Variants in ANKRD49 observed in about 807,000 individuals in gnomAD.
ANKRD49 encodes the protein ankyrin repeat domain-containing protein 49.
A neutral mutation model predicts 19.6 loss-of-function variants in ANKRD49; 18 were observed. The observed-to-expected ratio is 0.92, with a 90% CI of 0.63 to 1.36. The LOEUF (loss-of-function observed/expected upper bound fraction) is 1.36. Ranked by LOEUF, ANKRD49 falls within the 40% of genes most tolerant of loss-of-function variation. The pLI is 0.00. For synonymous variants in ANKRD49, 88 were observed against 101.8 expected (o/e 0.86, Z 0.82); for missense variants, 218 against 281.6 (o/e 0.77, Z 1.62).
chr11:94,497,122 T>C, intron 2 of ANKRD49, 171 bp downstream of exon 2: 1 of 829,406 alleles, frequency 1.2e-6, no homozygotes, highest in South Asian at 1.6e-5. Context: ...ATGCTAGGTA[T>C]TATTTGGGGG....
intron 1 of ANKRD49, among the ~76,000 whole-genome samples, chr11:94,496,388 T>G (rs994319673): frequency 2.0e-5 from 3 of 152,168 alleles, no homozygotes; most frequent in Non-Finnish European, 2.9e-5. Context: ...TATAATTGAC[T>G]TAGAAGAAAA....
rs1303930519 is a variant in ANKRD49 at position 94,499,291 on chromosome 11, T to TA, written c.*760dup. On this transcript the variant is annotated 3_prime_UTR_variant, in exon 3 of 3. Transcript: ENST00000544612. ...TACCTTTGTCCAACAGATCATAATA[T>TA]ATCTGCTATCCAACTGGTTTTACCT... 5.2e-5 allele frequency: 8 copies of TA among 152,654 alleles called. No individual in the cohort carries two copies. The highest frequency in any genetic ancestry group is 1.2e-4 in the Non-Finnish European group (8 of 68,050). 9.5% of individuals were successfully genotyped at this position (152,654 alleles called of 1,614,324 possible). A position where few individuals can be genotyped will look rare whatever the true frequency, so the allele number is the denominator to read the frequency against.
At chr11:94,495,415 T>G (rs771763607) in intron 1 of ANKRD49, among the ~76,000 whole-genome samples, 5 of 152,060 alleles carry the variant, frequency 3.3e-5, no homozygotes, top group Non-Finnish European at 5.9e-5. Flanking sequence ...TTTAAGGGGC[T>G]AAAACAAGAA....
rs1184605854 is a variant in ANKRD49 at position 94,499,148 on chromosome 11, T to G, written c.*616T>G. 6.5e-6 allele frequency: 1 copy of G among 154,098 alleles called. No homozygotes were observed. The highest frequency in any genetic ancestry group is 6.5e-5 in the Admixed American group (1 of 15,410). The allele number at this position is 154,098 out of a possible 1,614,324, so 9.5% of individuals were successfully genotyped here. On this transcript the variant is annotated 3_prime_UTR_variant, in exon 3 of 3. Transcript: ENST00000544612. ...TGTTTAATTCATGAATATTGTATAC[T>G]GCATCCCCTACCACAATTTACACAA...
Position 94,498,739 on chromosome 11 carries a change from T to G in ANKRD49, c.*207T>G, listed in dbSNP as rs1434243865. 3 of 572,606 alleles carry G rather than the reference T, an allele frequency of 5.2e-6. No individual in the cohort carries two copies. Among genetic ancestry groups the G allele is most frequent in the Non-Finnish European group, 3.0e-6 (1 of 329,356 alleles). The allele number at this position is 572,606 out of a possible 1,614,324, so 35.5% of individuals were successfully genotyped here. A position where few individuals can be genotyped will look rare whatever the true frequency, so the allele number is the denominator to read the frequency against. On this transcript the variant is annotated 3_prime_UTR_variant, in exon 3 of 3. Coordinates refer to ENST00000544612, the MANE Select transcript of ANKRD49 (RefSeq NM_017704.3). ...TATCTTTAATTATTTCTGTGGAGTT[T>G]GTGATTTTTTTATCAGAAATAATTT... is the stretch of plus-strand genomic sequence containing the variant.
chr11:94,496,999 G>T, intron 2 of ANKRD49, 48 bp downstream of exon 2: 1 of 1,607,774 alleles, frequency 6.2e-7, no homozygotes, highest in Non-Finnish European at 8.5e-7. Context: ...GAAAAGCACT[G>T]GGTTCAAGCC....
chr11:94,495,050 T>C (rs959633810), intron 1 of ANKRD49, among the ~76,000 whole-genome samples: 2 of 152,166 alleles, frequency 1.3e-5, no homozygotes, highest in African/African-American at 4.8e-5. Context: ...AAAGCCGGAT[T>C]GGCCTTAGGA....
At chr11:94,494,958 A>G (rs1257770058) in intron 1 of ANKRD49, among the ~76,000 whole-genome samples, 5 of 152,192 alleles carry the variant, frequency 3.3e-5, no homozygotes, top group Non-Finnish European at 7.3e-5. Flanking sequence ...AAAAAGTGGA[A>G]GCTCCAGGAG....
At chr11:94,497,192 A>T in intron 2 of ANKRD49, 1 of 577,810 alleles carries the variant, frequency 1.7e-6, no homozygotes, top group Non-Finnish European at 3.0e-6. Context: ...AATCATTTAT[A>T]TAAAGTCATT....
chr11:94,499,048 A>G lies in ANKRD49; in HGVS notation c.*516A>G, dbSNP rs981317538. 4 of 154,570 alleles carry G rather than the reference A, an allele frequency of 2.6e-5. No individual in the cohort carries two copies. The highest frequency in any genetic ancestry group is 3.2e-3 in the Middle Eastern group (1 of 316). 9.6% of individuals were successfully genotyped at this position (154,570 alleles called of 1,614,324 possible). A position where few individuals can be genotyped will look rare whatever the true frequency, so the allele number is the denominator to read the frequency against. ...TAGTGACTTGAATCTTCATAAGTTA[A>G]AGTAAAAAACAGCAAAAAACCTAGA... On this transcript the variant is annotated 3_prime_UTR_variant, in exon 3 of 3. Transcript: ENST00000544612.
chr11:94,496,704 A>G lies in ANKRD49; in HGVS notation c.11A>G (p.Glu4Gly). 2 of 1,577,290 alleles carry G rather than the reference A, an allele frequency of 1.3e-6. No individual in the cohort carries two copies. Among genetic ancestry groups the G allele is most frequent in the East Asian group, 2.2e-5 (1 of 44,540 alleles). ...GAATAGTAGTAAAAAATGGAAAAAG[A>G]AAAAGGAAATGATGATGGAATACCA... MEK[E>G]KGNDDGIPDQ... is the part of the protein sequence containing the mutation. The change falls in exon 2 of 3, where the codon GAA (glutamate) becomes GGA (glycine). Residue 4 changes from glutamate to glycine, a missense_variant. Coordinates refer to ENST00000544612, the MANE Select transcript of ANKRD49 (RefSeq NM_017704.3).
chr11:94,495,182 C>T (rs1222141282), intron 1 of ANKRD49, among the ~76,000 whole-genome samples: 1 of 152,026 alleles, frequency 6.6e-6, no homozygotes, highest in African/African-American at 2.4e-5. Context: ...AGTTTAATAC[C>T]ACATTAAGAT....
At chr11:94,494,332 A>G (rs1408894593) in intron 1 of ANKRD49, among the ~76,000 whole-genome samples, 2 of 152,160 alleles carry the variant, frequency 1.3e-5, no homozygotes, top group African/African-American at 2.4e-5. Context: ...TAGGTCCTTG[A>G]GTTCAGCACA....
At chr11:94,497,348 G>T in intron 2 of ANKRD49, 1 of 313,406 alleles carries the variant, frequency 3.2e-6, no homozygotes, top group Middle Eastern at 8.8e-4. Flanking sequence ...TTGAGATTCA[G>T]GAATATTAAT....
chr11:94,494,654 T>C (rs1247417926), intron 1 of ANKRD49, among the ~76,000 whole-genome samples: 1 of 152,214 alleles, frequency 6.6e-6, no homozygotes, highest in African/African-American at 2.4e-5. Flanking sequence ...TTTTGTTTCT[T>C]AACTGTAAGT....
intron 2 of ANKRD49, 59 bp downstream of exon 2, chr11:94,497,010 A>G (rs778410126): frequency 1.4e-5 from 22 of 1,603,130 alleles, no homozygotes; most frequent in Non-Finnish European, 1.8e-5. Context: ...GGTTCAAGCC[A>G]GAAGACCTGC....
intron 1 of ANKRD49, among the ~76,000 whole-genome samples, chr11:94,494,559 T>C (rs1947382110): frequency 6.6e-6 from 1 of 152,126 alleles, no homozygotes; most frequent in African/African-American, 2.4e-5. Context: ...CGGATCTCTC[T>C]CAAAATAGGA....
At position 94,499,219 on chromosome 11, in the gene ANKRD49, T is replaced by C. The variant is rs538317622; in HGVS notation, c.*687T>C. The C allele has an allele frequency of 6.5e-6, 1 of 153,054 alleles. No individual in the cohort carries two copies. Among genetic ancestry groups the C allele is most frequent in the African/African-American group, 2.4e-5 (1 of 41,580 alleles). 9.5% of individuals were successfully genotyped at this position (153,054 alleles called of 1,614,324 possible). ...CACCCTGGTCAACCTACATGATCCT[T>C]AAGCTAATGGCGAATCACGATGACC... On this transcript the variant is annotated 3_prime_UTR_variant, in exon 3 of 3. Transcript: ENST00000544612.
At position 94,496,636 on chromosome 11, in the gene ANKRD49, C is replaced by T; in HGVS notation, c.-58C>T. 2 of 1,430,682 alleles carry T rather than the reference C, an allele frequency of 1.4e-6. No individual in the cohort carries two copies. The highest frequency in any genetic ancestry group is 9.4e-7 in the Non-Finnish European group (1 of 1,067,832). The allele number at this position is 1,430,682 out of a possible 1,614,324, so 88.6% of individuals were successfully genotyped here. A position where few individuals can be genotyped will look rare whatever the true frequency, so the allele number is the denominator to read the frequency against. The stretch of plus-strand genomic sequence containing the variant: ...TGAACAAAGCAGTCATAATTCATCT[C>T]TAGAAAGATTTATATCCTGGCATTT... On this transcript the variant is annotated 5_prime_UTR_variant, in exon 2 of 3. Transcript: ENST00000544612.
Sources: allele counts gnomAD v4.1 joint callset (sites outside exome capture counted in the v4.1 genomes callset), GRCh38; gene constraint gnomAD v4.1.1; transcripts MANE v1.5; gene names NCBI Gene and HGNC (gene_info 2026-07-23, HGNC 2026-07-21).